CCDC192: variants seen among roughly 807,000 people sequenced by gnomAD.
The protein encoded by CCDC192 is coiled-coil domain-containing protein 192.
intron 5 of CCDC192, among the ~76,000 whole-genome samples, chr5:127,845,215 T>C (rs1750478340): frequency 6.6e-6 from 1 of 152,152 alleles, no homozygotes; most frequent in Non-Finnish European, 1.5e-5. Context: ...ATGTCAGTCA[T>C]GGAGACTGGA....
chr5:127,724,175 A>G (rs1425110208), intron 2 of CCDC192, among the ~76,000 whole-genome samples: 1 of 152,224 alleles, frequency 6.6e-6, no homozygotes, highest in Non-Finnish European at 1.5e-5. Flanking sequence ...AAATACTCAA[A>G]GTAAGTGATT....
chr5:127,726,868 C>T (rs1473297541), intron 2 of CCDC192, among the ~76,000 whole-genome samples: 2 of 152,194 alleles, frequency 1.3e-5, no homozygotes, highest in South Asian at 2.1e-4. Flanking sequence ...ATTCCTCCCA[C>T]ACAGTGCACC....
rs1307744003 is a variant in CCDC192, at chr5:127,737,588, G to C, written c.115-16680G>C. Among the ~76,000 whole-genome samples the C allele has an allele frequency of 3.3e-5, 5 of 151,580 alleles. No individual in the cohort carries two copies. In the South Asian group the frequency reaches 1.0e-3, roughly 32 times the overall value. On this transcript the variant is annotated intron_variant, in intron 2 of 6. Transcript: ENST00000514853. ...CTAAGTCTCTTTGTAGGTCACTCAG[G>C]ACTTGCTTTATGAATCTGGGTGCTC...
At chr5:127,859,553 T>A (rs1307339482) in intron 5 of CCDC192, among the ~76,000 whole-genome samples, 2 of 152,170 alleles carry the variant, frequency 1.3e-5, no homozygotes, top group Middle Eastern at 3.2e-3. Flanking sequence ...AGGTTTTTTT[T>A]TGTTTTTAAA....
intron 5 of CCDC192, among the ~76,000 whole-genome samples, chr5:127,813,715 C>T (rs953524748): frequency 2.6e-5 from 4 of 152,150 alleles, no homozygotes; most frequent in Admixed American, 6.5e-5. Flanking sequence ...CTTGTTCAAG[C>T]AGATGTGATT....
chr5:127,825,703 T>A (rs1484504234), intron 5 of CCDC192, among the ~76,000 whole-genome samples: 2 of 152,232 alleles, frequency 1.3e-5, no homozygotes, highest in African/African-American at 2.4e-5. Flanking sequence ...CTATATACAT[T>A]CACTTTATGG....
At chr5:127,709,161 G>A (rs1295217062) in intron 2 of CCDC192, among the ~76,000 whole-genome samples, 3 of 130,632 alleles carry the variant, frequency 2.3e-5, no homozygotes, top group African/African-American at 8.6e-5. Flanking sequence ...GAGAGAGAGA[G>A]GGGGAGAGGG....
chr5:127,922,942 G>C (rs1354004350), intron 6 of CCDC192, among the ~76,000 whole-genome samples: 1 of 152,154 alleles, frequency 6.6e-6, no homozygotes, highest in Non-Finnish European at 1.5e-5. Flanking sequence ...TTTGACACTA[G>C]ACAGAAAAGA....
chr5:127,763,378 G>A (rs1215600447), intron 3 of CCDC192, among the ~76,000 whole-genome samples: 14 of 152,086 alleles, frequency 9.2e-5, no homozygotes, highest in Admixed American at 2.0e-4. Flanking sequence ...TACAGGTGAT[G>A]ACTCCCAAAT....
intron 6 of CCDC192, among the ~76,000 whole-genome samples, chr5:127,900,357 C>T (rs1196932438): frequency 6.6e-6 from 1 of 152,174 alleles, no homozygotes; most frequent in East Asian, 1.9e-4. Context: ...CTATTAATTA[C>T]AAGCAAGTCA....
intron 3 of CCDC192, among the ~76,000 whole-genome samples, chr5:127,763,626 A>G (rs1755052661): frequency 6.6e-6 from 1 of 152,164 alleles, no homozygotes; most frequent in African/African-American, 2.4e-5. Context: ...TTACAATGCC[A>G]TTTATGATCC....
chr5:127,729,435 T>A (rs959998496), intron 2 of CCDC192, among the ~76,000 whole-genome samples: 3 of 152,212 alleles, frequency 2.0e-5, no homozygotes, highest in Admixed American at 2.0e-4. Flanking sequence ...GACCACACTG[T>A]CAATATTAGA....
intron 5 of CCDC192, among the ~76,000 whole-genome samples, chr5:127,824,787 C>G (rs1035765349): frequency 6.6e-6 from 1 of 152,140 alleles, no homozygotes; most frequent in Admixed American, 6.5e-5. Flanking sequence ...GAGGGTCACT[C>G]TGTCTTAGAA....
At chr5:127,892,773 G>T (rs368516035) in intron 6 of CCDC192, among the ~76,000 whole-genome samples, 4 of 152,268 alleles carry the variant, frequency 2.6e-5, no homozygotes, top group African/African-American at 9.6e-5. Context: ...TGCAAATAAA[G>T]ATTTTATTTT....
At chr5:127,815,800 G>A (rs368407979) in intron 5 of CCDC192, among the ~76,000 whole-genome samples, 16 of 152,002 alleles carry the variant, frequency 1.1e-4, no homozygotes, top group East Asian at 5.8e-4. Flanking sequence ...CCTGGGAGGC[G>A]GAGCTTGCAG....
chr5:127,713,934 C>T (rs1447607655), intron 2 of CCDC192, among the ~76,000 whole-genome samples: 1 of 152,184 alleles, frequency 6.6e-6, no homozygotes, highest in Non-Finnish European at 1.5e-5. Context: ...TGCAGTGGAA[C>T]ACTAGAACTT....
chr5:127,833,732 A>G (rs369544643), intron 5 of CCDC192, among the ~76,000 whole-genome samples: 346 of 152,294 alleles, frequency 2.3e-3, no homozygotes, highest in African/African-American at 8.0e-3. Context: ...CTAGATTTGC[A>G]AGATCAGATC....
intron 3 of CCDC192, among the ~76,000 whole-genome samples, chr5:127,760,470 G>A (rs1754850648): frequency 6.6e-6 from 1 of 151,820 alleles, no homozygotes; most frequent in Non-Finnish European, 1.5e-5. Context: ...GATGAGGTAA[G>A]TTTCAAAACT....
At chr5:127,713,631 C>T (rs1042699834) in intron 2 of CCDC192, among the ~76,000 whole-genome samples, 1 of 152,080 alleles carries the variant, frequency 6.6e-6, no homozygotes, top group Non-Finnish European at 1.5e-5. Context: ...AAAATCTTTG[C>T]CCGAGGCTAC....
Sources: allele counts gnomAD v4.1 joint callset (sites outside exome capture counted in the v4.1 genomes callset), GRCh38; gene constraint gnomAD v4.1.1; transcripts MANE v1.5; gene names NCBI Gene and HGNC (gene_info 2026-07-23, HGNC 2026-07-21).